Variants in SMTN observed in about 807,000 individuals in gnomAD.
SMTN encodes the protein smoothelin.
Under a neutral mutation model 102.0 loss-of-function variants are expected in SMTN, and 58 were observed. The ratio of observed to expected loss-of-function variants is 0.57; its 90% CI spans 0.46 to 0.71. The LOEUF (loss-of-function observed/expected upper bound fraction) is 0.71. Ranked by LOEUF, SMTN falls within the 30% of genes least tolerant of loss-of-function variation. The pLI is 0.00. For missense variants in SMTN, 1,185 were observed against 1,241.7 expected (o/e 0.95, Z 0.69); for synonymous variants, 478 against 497.9 (o/e 0.96, Z 0.53).
intron 11 of SMTN, chr22:31,094,015 A>G (rs2043361288): frequency 1.5e-6 from 1 of 662,442 alleles, no homozygotes; most frequent in Non-Finnish European, 2.5e-6. Flanking sequence ...CTCTAAGACT[A>G]GGGCAAGAGG....
In SMTN at chr22:31,095,491, G is replaced by C. The variant is rs766033618; in HGVS notation, c.1785+36G>C. 6.2e-7 allele frequency: 1 copy of C among 1,614,216 alleles called. No individual in the cohort carries two copies. Among genetic ancestry groups the C allele is most frequent in the Non-Finnish European group, 8.5e-7 (1 of 1,180,026 alleles). On this transcript the variant is annotated intron_variant, in intron 12 of 20. Transcript: ENST00000333137. The surrounding 1 kb of genome is among the most constrained non-coding windows in gnomAD (Gnocchi z 4.1). ...ATCCGGTGGGCTGGGGGTTGGCAGAGGCCAGCAGGCACCAGGTAGGCAATG... is the reference window on the plus strand; with the variant it reads ...ATCCGGTGGGCTGGGGGTTGGCAGACGCCAGCAGGCACCAGGTAGGCAATG...
intron 16 of SMTN, 108 bp from the exon 17 acceptor site, chr22:31,098,559 T>G: frequency 2.9e-6 from 3 of 1,050,720 alleles, no homozygotes. Context: ...TTTGTGGCAG[T>G]GGAGATACTA....
chr22:31,078,805 G>A (rs544458142), upstream of SMTN, among the ~76,000 whole-genome samples: 1 of 152,290 alleles, frequency 6.6e-6, no homozygotes, highest in South Asian at 2.1e-4. Context: ...CTTGAGCCAG[G>A]AGTTTGAGGC....
chr22:31,104,272 G>A, intron 20 of SMTN, 44 bp from the exon 21 acceptor site: 1 of 1,598,394 alleles, frequency 6.3e-7, no homozygotes, highest in African/African-American at 1.3e-5. Context: ...GCCACGAGAG[G>A]CGGGTCTGGC....
intron 9 of SMTN, 37 bp from the exon 10 acceptor site, chr22:31,090,924 C>T: frequency 3.7e-6 from 6 of 1,612,982 alleles, no homozygotes; most frequent in Non-Finnish European, 5.1e-6. Flanking sequence ...CAGACCCTGT[C>T]CCACCCAGTT....
exon 1 of SMTN, chr22:31,064,181 T>C (rs1044854376): frequency 6.6e-6 from 1 of 152,228 alleles, no homozygotes; most frequent in Non-Finnish European, 1.5e-5. Flanking sequence ...GAAGCAGAAC[T>C]GGGCAGGTGA....
intron 1 of SMTN, chr22:31,082,364 A>T (rs567312989): frequency 1.6e-5 from 6 of 368,252 alleles, no homozygotes; most frequent in African/African-American, 1.3e-4. Flanking sequence ...TGCCTCTGTC[A>T]CTGAGAGTGT....
At chr22:31,088,361 G>A in intron 3 of SMTN, 152 bp from the exon 4 acceptor site, 1 of 784,160 alleles carries the variant, frequency 1.3e-6, no homozygotes, top group Non-Finnish European at 2.1e-6. Context: ...ACGTCCATGG[G>A]CATATGTGTA....
Position 31,095,568 on chromosome 22 carries a change from T to G in SMTN, c.1820T>G (p.Leu607Arg), listed in dbSNP as rs759128594. Reference protein sequence around the residue: ...DQSTDFEERKLIRAALRELRQ... With the variant: ...DQSTDFEERKRIRAALRELRQ... ...AGCACGGACTTTGAAGAGCGGAAGC[T>G]CATCCGGGCTGCACTTCGTGAGCTC... is the stretch of plus-strand genomic sequence containing the variant. Residue 607 changes from leucine to arginine, a missense_variant, in exon 13 of 21, where the codon CTC (leucine) becomes CGC (arginine). Physicochemically the swap from Leu to Arg is moderately radical, Grantham distance 102 (BLOSUM62 -2). Coordinates refer to ENST00000333137, the MANE Select transcript of SMTN (RefSeq NM_134269.3). This position sits in a 1 kb window ranked among gnomAD's most constrained non-coding sequence, Gnocchi z 4.1. The G allele has an allele frequency of 1.2e-6, 2 of 1,614,020 alleles. No individual in the cohort carries two copies. The highest frequency in any genetic ancestry group is 2.2e-5 in the South Asian group (2 of 91,072).
In SMTN at chr22:31,104,370, C is replaced by T. The variant is rs781291526; in HGVS notation, c.*75C>T. 1 of 1,614,184 alleles carries T rather than the reference C, an allele frequency of 6.2e-7. No individual in the cohort carries two copies. The highest frequency in any genetic ancestry group is 8.5e-7 in the Non-Finnish European group (1 of 1,180,032). Reference sequence around the variant, plus strand: ...AGGTGGACGACATGATGATCATGGGCAAGAAGCCTGACCCCAAGTGTGTCT... The same window carrying T: ...AGGTGGACGACATGATGATCATGGGTAAGAAGCCTGACCCCAAGTGTGTCT... On this transcript the variant is annotated 3_prime_UTR_variant, in exon 21 of 21. Transcript: ENST00000333137.
chr22:31,077,259 A>C (rs1418360868), upstream of SMTN, among the ~76,000 whole-genome samples: 7 of 152,144 alleles, frequency 4.6e-5, no homozygotes, highest in South Asian at 8.3e-4. Context: ...AAATAAAAAA[A>C]TTAGCCAGGC....
At chr22:31,093,565 G>A (rs779333958) in intron 11 of SMTN, 1 of 727,840 alleles carries the variant, frequency 1.4e-6, no homozygotes. Context: ...AGTGACCCAG[G>A]CAGCCGAGGT....
intron 2 of SMTN, chr22:31,085,198 C>G: frequency 6.5e-7 from 1 of 1,535,428 alleles, no homozygotes. Context: ...GTCCTGGGGA[C>G]CTTGGTTTCT....
At chr22:31,069,735 C>T (rs534600936) in intron 1 of SMTN, among the ~76,000 whole-genome samples, 3 of 152,260 alleles carry the variant, frequency 2.0e-5, no homozygotes, top group East Asian at 3.9e-4. Flanking sequence ...TGGCTCTGTG[C>T]TAGGATGGGG....
intron 20 of SMTN, 63 bp from the exon 21 acceptor site, chr22:31,104,253 T>TC: frequency 6.3e-7 from 1 of 1,588,734 alleles, no homozygotes; most frequent in South Asian, 1.1e-5. Flanking sequence ...GACCTTGGGG[T>TC]AGAGGGGCGC....
In SMTN at chr22:31,104,298, C is replaced by T. The variant is rs370420783; in HGVS notation, c.*21-18C>T. On this transcript the variant is annotated intron_variant, in intron 20 of 20. Transcript: ENST00000333137. ...CGGGTCTGGCGCTGACATCCAACCCCGTGCCCCCTCCCTGCAGGATGCTGG... is the reference window on the plus strand; with the variant it reads ...CGGGTCTGGCGCTGACATCCAACCCTGTGCCCCCTCCCTGCAGGATGCTGG... 1.7e-5 allele frequency: 27 copies of T among 1,613,024 alleles called. No homozygotes were observed. In the African/African-American group the frequency reaches 2.9e-4, roughly 18 times the overall value.
At chr22:31,076,173 C>T (rs1023343438) in intron 1 of SMTN, among the ~76,000 whole-genome samples, 1 of 152,226 alleles carries the variant, frequency 6.6e-6, no homozygotes, top group African/African-American at 2.4e-5. Context: ...CTACACTTGG[C>T]TCTGAGGTTG....
intron 16 of SMTN, among the ~76,000 whole-genome samples, chr22:31,097,691 G>A (rs974659347): frequency 7.9e-5 from 12 of 151,200 alleles, no homozygotes; most frequent in African/African-American, 2.5e-4. Flanking sequence ...GCAACAGAGC[G>A]AGACTCAGTC....
In SMTN at chr22:31,085,341, T is replaced by G. The variant is rs1485425045; in HGVS notation, c.51+2032T>G. ...TGCGAGGGAGGGCGGTCGCAGAACC[T>G]GCGGGCCTTCAGCGCCCCCTGGCGA... On this transcript the variant is annotated intron_variant, in intron 2 of 20. Coordinates refer to ENST00000333137, the MANE Select transcript of SMTN (RefSeq NM_134269.3). 6.3e-6 allele frequency: 9 copies of G among 1,430,610 alleles called. No individual in the cohort carries two copies. The South Asian group carries it at 1.1e-4, about 17-fold the overall frequency. The allele number at this position is 1,430,610 out of a possible 1,614,324, so 88.6% of individuals were successfully genotyped here. A position where few individuals can be genotyped will look rare whatever the true frequency, so the allele number is the denominator to read the frequency against.
Sources: allele counts gnomAD v4.1 joint callset (sites outside exome capture counted in the v4.1 genomes callset), GRCh38; gene constraint gnomAD v4.1.1; non-coding constraint Gnocchi (gnomAD v3.1); transcripts MANE v1.5; gene names NCBI Gene and HGNC (gene_info 2026-07-23, HGNC 2026-07-21).